The following GRIA1 variants were observed in gnomAD, a reference collection of about 807,000 sequenced individuals.
GRIA1 encodes the protein glutamate receptor 1.
A neutral mutation model predicts 99.2 loss-of-function variants in GRIA1; 31 were observed. The observed-to-expected ratio is 0.31, with a 90% CI of 0.23 to 0.42. The LOEUF (loss-of-function observed/expected upper bound fraction) is 0.42, where lower values mean the gene tolerates loss of function less well. Ranked by LOEUF, GRIA1 falls within the 10% of genes least tolerant of loss-of-function variation. The probability of loss-of-function intolerance (pLI) is 1.00; values close to 1 mark genes in which losing one functional copy is unlikely to be tolerated. For missense variants in GRIA1, 782 were observed against 1,157.5 expected (o/e 0.68, Z 4.71); for synonymous variants, 438 against 432.4 (o/e 1.01, Z -0.16).
At chr5:153,621,708 A>C (rs1306745497) in intron 2 of GRIA1, among the ~76,000 whole-genome samples, 2 of 152,160 alleles carry the variant, frequency 1.3e-5, no homozygotes, top group Non-Finnish European at 1.5e-5. Context: ...ATCAAATGTG[A>C]TAATATGGAT....
intron 15 of GRIA1, 133 bp downstream of exon 15, chr5:153,802,623 G>C (rs979671138): frequency 1.1e-6 from 1 of 903,080 alleles, no homozygotes; most frequent in African/African-American, 1.6e-5. Flanking sequence ...GCAGGAAGCT[G>C]TTACGAGGAA....
chr5:153,600,735 G>C (rs1348296382), intron 2 of GRIA1, among the ~76,000 whole-genome samples: 2 of 152,170 alleles, frequency 1.3e-5, no homozygotes, highest in Non-Finnish European at 2.9e-5. Context: ...ATGGAACCTT[G>C]CTGCTAAAAA....
intron 11 of GRIA1, among the ~76,000 whole-genome samples, chr5:153,709,593 G>A (rs1375928097): frequency 6.6e-6 from 1 of 152,176 alleles, no homozygotes. Flanking sequence ...AGCAGGTAGT[G>A]GCTTGTGGTG....
chr5:153,769,431 C>G (rs1156444179), intron 12 of GRIA1, among the ~76,000 whole-genome samples: 2 of 151,880 alleles, frequency 1.3e-5, no homozygotes, highest in Admixed American at 1.3e-4. Context: ...TTATTCTGTT[C>G]TATGAAACAA....
rs574355093 is a variant in GRIA1 at position 153,705,416 on chromosome 5, C to G, written c.1453-281C>G. On this transcript the variant is annotated intron_variant, in intron 10 of 15. Coordinates refer to ENST00000285900, the MANE Select transcript of GRIA1 (RefSeq NM_000827.4). Reference sequence around the variant, plus strand: ...GGGGCTGCTGAGCAGGCAAAAACAACAGATACCACAACAGCTTCCTTCTTG... The same window carrying G: ...GGGGCTGCTGAGCAGGCAAAAACAAGAGATACCACAACAGCTTCCTTCTTG... Among the ~76,000 whole-genome samples the G allele has an allele frequency of 2.0e-5, 3 of 152,110 alleles. No individual in the cohort carries two copies. In the South Asian group the frequency reaches 6.2e-4, roughly 32 times the overall value.
chr5:153,577,678 AAACTT>A (rs1762682346), intron 2 of GRIA1, among the ~76,000 whole-genome samples: 3 of 152,234 alleles, frequency 2.0e-5, no homozygotes, highest in South Asian at 2.1e-4. Context: ...CAAAACTTAT[AAACTT>A]AACTTATTTA....
At chr5:153,573,629 G>C (rs1762303097) in intron 2 of GRIA1, among the ~76,000 whole-genome samples, 2 of 152,142 alleles carry the variant, frequency 1.3e-5, no homozygotes, top group South Asian at 4.1e-4. Context: ...GAGAGTGCTG[G>C]ACGGGAGTTT....
chr5:153,637,895 G>C (rs1215239114), intron 2 of GRIA1, among the ~76,000 whole-genome samples: 1 of 152,214 alleles, frequency 6.6e-6, no homozygotes, highest in African/African-American at 2.4e-5. Context: ...CTCTTTATGA[G>C]TTATTGTTCA....
At chr5:153,795,912 T>C (rs1173896663) in intron 14 of GRIA1, among the ~76,000 whole-genome samples, 3 of 152,154 alleles carry the variant, frequency 2.0e-5, no homozygotes, top group Non-Finnish European at 4.4e-5. Context: ...CAGGGCCGTT[T>C]AGCACACAAC....
At chr5:153,506,907 G>T (rs1169813495) in intron 2 of GRIA1, among the ~76,000 whole-genome samples, 1 of 152,134 alleles carries the variant, frequency 6.6e-6, no homozygotes, top group Non-Finnish European at 1.5e-5. Flanking sequence ...CAGATCACTT[G>T]AGGCCAGGAG....
intron 2 of GRIA1, among the ~76,000 whole-genome samples, chr5:153,531,652 A>G (rs1407610206): frequency 6.6e-6 from 1 of 152,240 alleles, no homozygotes; most frequent in Non-Finnish European, 1.5e-5. Flanking sequence ...CTAGAGGTAC[A>G]TAAGCAGAAG....
At chr5:153,577,324 G>A (rs10058930) in intron 2 of GRIA1, among the ~76,000 whole-genome samples, 48,619 of 150,634 alleles carry the variant, frequency 0.32, 8,622 homozygotes, top group East Asian at 0.71. Context: ...AAGCAGGCAT[G>A]CCCTGCAATC....
chr5:153,671,747 G>A (rs773100933), intron 5 of GRIA1, among the ~76,000 whole-genome samples: 12 of 152,116 alleles, frequency 7.9e-5, no homozygotes, highest in African/African-American at 2.7e-4. Context: ...AATATATACT[G>A]TGCACCTACT....
At chr5:153,670,026 C>A (rs1368089145) in intron 5 of GRIA1, among the ~76,000 whole-genome samples, 1 of 152,320 alleles carries the variant, frequency 6.6e-6, no homozygotes, top group Middle Eastern at 3.4e-3. Context: ...CTCTTTAGGG[C>A]TACTGAATGA....
At chr5:153,719,687 C>T (rs1759920200) in intron 11 of GRIA1, among the ~76,000 whole-genome samples, 1 of 151,924 alleles carries the variant, frequency 6.6e-6, no homozygotes, top group African/African-American at 2.4e-5. Flanking sequence ...ACAACCCCAA[C>T]CAGATTAAAA....
At chr5:153,536,363 C>T (rs1373207262) in intron 2 of GRIA1, among the ~76,000 whole-genome samples, 1 of 152,150 alleles carries the variant, frequency 6.6e-6, no homozygotes, top group African/African-American at 2.4e-5. Context: ...CCTACCTCCA[C>T]AAGAATTAGC....
intron 2 of GRIA1, among the ~76,000 whole-genome samples, chr5:153,597,870 G>T (rs1471474073): frequency 6.6e-6 from 1 of 151,576 alleles, no homozygotes; most frequent in African/African-American, 2.4e-5. Context: ...TAATTAGCCT[G>T]GTGCTGTGGC....
At chr5:153,697,980 C>T in intron 8 of GRIA1, 64 bp from the exon 9 acceptor site, 5 of 817,076 alleles carry the variant, frequency 6.1e-6, no homozygotes, top group Non-Finnish European at 6.3e-6. Flanking sequence ...ACTGGGTGAC[C>T]CAGAGCAGGC....
intron 11 of GRIA1, among the ~76,000 whole-genome samples, chr5:153,756,521 A>G (rs1242271897): frequency 6.6e-6 from 1 of 152,176 alleles, no homozygotes; most frequent in Non-Finnish European, 1.5e-5. Context: ...TCCTCTCACT[A>G]TAGCCAGGAA....
Sources: allele counts gnomAD v4.1 joint callset (sites outside exome capture counted in the v4.1 genomes callset), GRCh38; gene constraint gnomAD v4.1.1; transcripts MANE v1.5; gene names NCBI Gene and HGNC (gene_info 2026-07-23, HGNC 2026-07-21).